AFG2A: variants seen among roughly 807,000 people sequenced by gnomAD.
The protein encoded by AFG2A is ATPase family gene 2 protein homolog A.
At chr4:123,001,790 G>C in the AFG2A span, among the ~76,000 whole-genome samples, 1 of 152,082 alleles carries the variant, frequency 6.6e-6, no homozygotes, top group Non-Finnish European at 1.5e-5. Context: ...GTTGATTTGG[G>C]GTGGAGAGTT....
At chr4:123,196,040 A>G in the AFG2A span, among the ~76,000 whole-genome samples, 10 of 149,656 alleles carry the variant, frequency 6.7e-5, no homozygotes, top group South Asian at 8.4e-4. Flanking sequence ...AGTCTCTGTC[A>G]CCCAGGCTGG....
the AFG2A span, among the ~76,000 whole-genome samples, chr4:123,094,106 C>G: frequency 6.6e-6 from 1 of 152,122 alleles, no homozygotes; most frequent in African/African-American, 2.4e-5. Flanking sequence ...AGTGGAGGTC[C>G]TTAACAATAC....
At chr4:123,075,981 A>C in the AFG2A span, among the ~76,000 whole-genome samples, 1 of 145,678 alleles carries the variant, frequency 6.9e-6, no homozygotes, top group Non-Finnish European at 1.5e-5. Context: ...AACAACAAAA[A>C]AAAAAACAAA....
At chr4:122,952,103 C>A in the AFG2A span, among the ~76,000 whole-genome samples, 906 of 152,272 alleles carry the variant, frequency 5.9e-3, 13 homozygotes, top group Admixed American at 0.043. Flanking sequence ...GCATCAGGAC[C>A]CCTTTTGTAA....
chr4:122,936,414 C>A, the AFG2A span, among the ~76,000 whole-genome samples: 3 of 152,144 alleles, frequency 2.0e-5, no homozygotes, highest in East Asian at 5.8e-4. Context: ...CATAGAAATC[C>A]ATGACTTTCT....
chr4:122,946,102 A>C, the AFG2A span, among the ~76,000 whole-genome samples: 2 of 152,242 alleles, frequency 1.3e-5, no homozygotes, highest in African/African-American at 4.8e-5. Context: ...TTACAAGAGA[A>C]TCATGTATAA....
At chr4:123,311,721 A>T in the AFG2A span, among the ~76,000 whole-genome samples, 2 of 151,532 alleles carry the variant, frequency 1.3e-5, no homozygotes, top group African/African-American at 4.9e-5. Flanking sequence ...AGGAATGCCC[A>T]GGGGAACTGA....
the AFG2A span, among the ~76,000 whole-genome samples, chr4:123,081,914 A>G: frequency 6.6e-6 from 1 of 152,038 alleles, no homozygotes; most frequent in African/African-American, 2.4e-5. Context: ...ATCTTTTCAT[A>G]TGCTTATTGT....
chr4:123,176,057 A>G, the AFG2A span, among the ~76,000 whole-genome samples: 5 of 152,172 alleles, frequency 3.3e-5, no homozygotes, highest in Non-Finnish European at 7.4e-5. Flanking sequence ...GGAGGCAGAG[A>G]CAACACCATG....
chr4:122,950,520 T>C, the AFG2A span, among the ~76,000 whole-genome samples: 11 of 152,140 alleles, frequency 7.2e-5, no homozygotes, highest in Non-Finnish European at 1.6e-4. Context: ...TTTGTATTTT[T>C]AGTAGAGACA....
At chr4:123,057,870 T>C in the AFG2A span, among the ~76,000 whole-genome samples, 1 of 152,104 alleles carries the variant, frequency 6.6e-6, no homozygotes, top group African/African-American at 2.4e-5. Flanking sequence ...CCTCTACAAA[T>C]GTATAGCGGT....
At chr4:122,999,132 A>G in the AFG2A span, among the ~76,000 whole-genome samples, 2 of 104,790 alleles carry the variant, frequency 1.9e-5, no homozygotes, top group South Asian at 4.2e-4. Flanking sequence ...GTCTGTTCAT[A>G]TCCTTTGCCC....
At chr4:122,952,916 TG>T in the AFG2A span, among the ~76,000 whole-genome samples, 1 of 152,160 alleles carries the variant, frequency 6.6e-6, no homozygotes, top group Non-Finnish European at 1.5e-5. Context: ...ATTGGGAACA[TG>T]TGCATACATT....
the AFG2A span, among the ~76,000 whole-genome samples, chr4:123,146,790 A>C: frequency 1.3e-5 from 1 of 75,430 alleles, no homozygotes; most frequent in Non-Finnish European, 4.0e-5. Flanking sequence ...CAAACCTCTC[A>C]TTTTTTTCCC....
the AFG2A span, among the ~76,000 whole-genome samples, chr4:123,035,037 T>C: frequency 6.6e-6 from 1 of 152,156 alleles, no homozygotes; most frequent in South Asian, 2.1e-4. Flanking sequence ...GGAAAAGCCC[T>C]GAGAGGAACT....
the AFG2A span, among the ~76,000 whole-genome samples, chr4:122,962,698 C>T: frequency 2.6e-5 from 4 of 152,074 alleles, no homozygotes; most frequent in African/African-American, 4.8e-5. Flanking sequence ...AAAATAAAAC[C>T]AGGCTATCTA....
chr4:123,239,847 A>G, the AFG2A span, among the ~76,000 whole-genome samples: 3 of 152,232 alleles, frequency 2.0e-5, no homozygotes, highest in African/African-American at 7.2e-5. Context: ...CTTAAATGTA[A>G]ATGGGCTAAA....
chr4:122,982,846 ATTTAC>A, the AFG2A span, among the ~76,000 whole-genome samples: 2 of 104,018 alleles, frequency 1.9e-5, no homozygotes, highest in African/African-American at 3.6e-5. Context: ...TTCTCAGTTT[ATTTAC>A]TTTAATCTTC....
chr4:123,236,455 G>T, the AFG2A span, among the ~76,000 whole-genome samples: 5 of 152,228 alleles, frequency 3.3e-5, no homozygotes, highest in South Asian at 6.2e-4. Flanking sequence ...TTTGCTGTGT[G>T]ATATTTGCTT....
Sources: gnomAD v4.1 joint callset for allele counts (sites outside exome capture counted in the v4.1 genomes callset) on GRCh38, gnomAD v4.1.1 for gene constraint, MANE v1.5 for transcripts, NCBI Gene and HGNC (gene_info 2026-07-23, HGNC 2026-07-21) for gene names.